The following PDE8B variants were observed in gnomAD, a reference collection of about 807,000 sequenced individuals.
PDE8B encodes the protein high affinity cAMP-specific and IBMX-insensitive 3',5'-cyclic phosphodiesterase 8B.
In PDE8B, 26 loss-of-function variants were observed where a neutral mutation model predicts 101.3. The ratio of observed to expected loss-of-function variants is 0.26; its 90% CI spans 0.19 to 0.36. The LOEUF (loss-of-function observed/expected upper bound fraction) is 0.36. Ranked by LOEUF, PDE8B falls within the 10% of genes least tolerant of loss-of-function variation. The pLI, the probability that PDE8B is intolerant of heterozygous loss-of-function variation, is 1.00. For missense variants in PDE8B, 810 were observed against 1,163.1 expected, an observed-to-expected ratio of 0.70 and a Z score of 4.42; for synonymous variants, 424 against 429.3, an observed-to-expected ratio of 0.99 and a Z score of 0.15.
chr5:77,139,750 G>T, the PDE8B span: 1 of 152,104 alleles, frequency 6.6e-6, no homozygotes, highest in South Asian at 2.1e-4. Context: ...TTAAGTTTCA[G>T]TGGCTATAAG....
intron 11 of PDE8B, among the ~76,000 whole-genome samples, chr5:77,403,205 T>C (rs1002100758): frequency 6.6e-6 from 1 of 152,224 alleles, no homozygotes; most frequent in Non-Finnish European, 1.5e-5. Context: ...TACATTAACA[T>C]GACCGTGCGT....
chr5:77,226,718 T>A (rs1038380480), intron 1 of PDE8B, among the ~76,000 whole-genome samples: 7 of 152,232 alleles, frequency 4.6e-5, no homozygotes, highest in African/African-American at 1.7e-4. Flanking sequence ...AATAGTAATA[T>A]AGTTTTAGCT....
the PDE8B span, among the ~76,000 whole-genome samples, chr5:77,202,021 T>A: frequency 6.6e-6 from 1 of 152,028 alleles, no homozygotes; most frequent in South Asian, 2.1e-4. Flanking sequence ...TGTCTCTTCT[T>A]CTTATAGGGA....
the PDE8B span, among the ~76,000 whole-genome samples, chr5:77,093,439 C>T: frequency 6.6e-6 from 1 of 152,122 alleles, no homozygotes; most frequent in African/African-American, 2.4e-5. Context: ...AATGTCCCCT[C>T]TTTCCTTTCT....
intron 5 of PDE8B, 47 bp downstream of exon 5, chr5:77,331,506 C>T (rs1391528160): frequency 1.4e-6 from 2 of 1,410,386 alleles, no homozygotes; most frequent in Non-Finnish European, 1.0e-6. Flanking sequence ...GGCACCTTAA[C>T]CCCTAACTCT....
At chr5:77,248,743 A>C (rs776780231) in intron 1 of PDE8B, among the ~76,000 whole-genome samples, 1 of 152,194 alleles carries the variant, frequency 6.6e-6, no homozygotes, top group Non-Finnish European at 1.5e-5. Context: ...CTCCAAATTC[A>C]TGTGTTGAAG....
chr5:77,285,268 C>A (rs1765768270), intron 1 of PDE8B, among the ~76,000 whole-genome samples: 1 of 152,102 alleles, frequency 6.6e-6, no homozygotes, highest in African/African-American at 2.4e-5. Flanking sequence ...TTTATATTTA[C>A]CACTTGTATG....
the PDE8B span, among the ~76,000 whole-genome samples, chr5:77,185,734 CT>C: frequency 1.8e-4 from 28 of 152,292 alleles, no homozygotes; most frequent in East Asian, 5.2e-3. Context: ...CCCCCACCCC[CT>C]GCCATTTCCT....
At chr5:77,240,204 A>C (rs1474037158) in intron 1 of PDE8B, among the ~76,000 whole-genome samples, 2 of 151,992 alleles carry the variant, frequency 1.3e-5, no homozygotes, top group Non-Finnish European at 2.9e-5. Context: ...CCCAGGCTGG[A>C]GTGCGGTGGC....
At chr5:77,334,648 A>G (rs1011622120) in intron 5 of PDE8B, among the ~76,000 whole-genome samples, 1 of 152,194 alleles carries the variant, frequency 6.6e-6, no homozygotes, top group Non-Finnish European at 1.5e-5. Flanking sequence ...CCTCCTCTAC[A>G]TATGAGGGAT....
chr5:77,229,302 C>G (rs1313993750), intron 1 of PDE8B, among the ~76,000 whole-genome samples: 1 of 152,110 alleles, frequency 6.6e-6, no homozygotes, highest in African/African-American at 2.4e-5. Context: ...TTTAGTAAAC[C>G]TAGACCAAAG....
intron 1 of PDE8B, among the ~76,000 whole-genome samples, chr5:77,255,385 C>T (rs78531946): frequency 6.6e-6 from 1 of 152,214 alleles, no homozygotes; most frequent in African/African-American, 2.4e-5. Context: ...GGGCCCTATT[C>T]TCAGAAGGGC....
intron 10 of PDE8B, among the ~76,000 whole-genome samples, chr5:77,376,442 C>T (rs544973701): frequency 1.1e-4 from 16 of 152,184 alleles, no homozygotes; most frequent in Non-Finnish European, 1.8e-4. Context: ...ATATGCTCAA[C>T]AAACACCTGC....
chr5:77,195,665 C>G, the PDE8B span, among the ~76,000 whole-genome samples: 159 of 152,068 alleles, frequency 1.0e-3, no homozygotes, highest in Non-Finnish European at 1.6e-3. Flanking sequence ...AGAAGCCTTC[C>G]CAATAACAAA....
intron 1 of PDE8B, among the ~76,000 whole-genome samples, chr5:77,289,955 G>A (rs576077886): frequency 2.6e-4 from 39 of 152,302 alleles, no homozygotes; most frequent in African/African-American, 9.4e-4. Flanking sequence ...CAAATGTAAG[G>A]CACCTATTTC....
chr5:77,404,664 C>T (rs1016750961), intron 11 of PDE8B, 56 bp from the exon 12 acceptor site: 6 of 992,518 alleles, frequency 6.0e-6, no homozygotes, highest in Non-Finnish European at 9.8e-6. Context: ...GTTTGAATCT[C>T]TTCTGTGAAT....
the PDE8B span, among the ~76,000 whole-genome samples, chr5:77,163,388 C>T: frequency 6.6e-6 from 1 of 152,160 alleles, no homozygotes; most frequent in Admixed American, 6.5e-5. Context: ...TAGACAAGAA[C>T]ACTTTGCAAA....
chr5:77,099,072 A>G, the PDE8B span, among the ~76,000 whole-genome samples: 2 of 152,352 alleles, frequency 1.3e-5, no homozygotes, highest in South Asian at 4.1e-4. Context: ...AAAAACATTA[A>G]TGTATACTTT....
At chr5:77,217,138 G>A (rs1245235529) in intron 1 of PDE8B, among the ~76,000 whole-genome samples, 4 of 152,032 alleles carry the variant, frequency 2.6e-5, no homozygotes, top group Non-Finnish European at 4.4e-5. Flanking sequence ...CTTCTCTTCA[G>A]TTCATTCTGT....
Sources: allele counts gnomAD v4.1 joint callset (sites outside exome capture counted in the v4.1 genomes callset), GRCh38; gene constraint gnomAD v4.1.1; transcripts MANE v1.5; gene names NCBI Gene and HGNC (gene_info 2026-07-23, HGNC 2026-07-21).